The following CADPS2 variants were observed in gnomAD, a reference collection of about 807,000 sequenced individuals.
The protein encoded by CADPS2 is calcium dependent secretion activator 2.
In CADPS2, 93 loss-of-function variants were observed where a neutral mutation model predicts 172.5. That is an observed-to-expected ratio of 0.54 (90% CI 0.46 to 0.64). The LOEUF is 0.64. Among genes scored for constraint, CADPS2 ranks in the 30% least tolerant of loss-of-function variants. The pLI is 0.00. For synonymous variants in CADPS2, 546 were observed against 555.2 expected (o/e 0.98, Z 0.23); for missense variants, 1,420 against 1,565.9 (o/e 0.91, Z 1.57).
At chr7:122,449,633 A>G (rs1261914191) in intron 15 of CADPS2, among the ~76,000 whole-genome samples, 1 of 152,150 alleles carries the variant, frequency 6.6e-6, no homozygotes, top group African/African-American at 2.4e-5. Context: ...TTTCAACAAC[A>G]GCAAATGCAG....
chr7:122,699,422 T>C (rs1343045684), intron 2 of CADPS2, among the ~76,000 whole-genome samples: 1 of 152,114 alleles, frequency 6.6e-6, no homozygotes, highest in Admixed American at 6.6e-5. Flanking sequence ...GAAGGAGATA[T>C]TTCCAACAAA....
intron 9 of CADPS2, among the ~76,000 whole-genome samples, chr7:122,499,015 A>T (rs2058984740): frequency 6.6e-6 from 1 of 152,222 alleles, no homozygotes; most frequent in Admixed American, 6.5e-5. Context: ...GTCATCACCA[A>T]TCCAGGATTG....
chr7:122,666,603 A>G (rs532380147), intron 2 of CADPS2, among the ~76,000 whole-genome samples: 2 of 152,008 alleles, frequency 1.3e-5, no homozygotes, highest in Non-Finnish European at 2.9e-5. Flanking sequence ...CAGCCTCCCA[A>G]AGTGCTGGGA....
In CADPS2 at chr7:122,490,268, A is replaced by G. The variant is rs1310705569; in HGVS notation, c.1665T>C (p.Gly555=). The part of the protein sequence containing the change: ...YTDPHPGLQG[G]CMFFNAVKEG... ...CTTTAACAGCATTAAAGAACATACA[A>G]CCACCCTGAAGGCCTGTGGAGGAAA... Residue 555 remains glycine, a synonymous_variant, in exon 11 of 30, where the codon GGT becomes GGC. Coordinates refer to ENST00000449022, the MANE Select transcript of CADPS2 (RefSeq NM_017954.11). 2 of 1,612,868 alleles carry G rather than the reference A, an allele frequency of 1.2e-6. No individual in the cohort carries two copies. The highest frequency in any genetic ancestry group is 1.3e-5 in the African/African-American group (1 of 74,876).
chr7:122,731,292 G>A, intron 2 of CADPS2, among the ~76,000 whole-genome samples: 1 of 151,344 alleles, frequency 6.6e-6, no homozygotes, highest in East Asian at 1.9e-4. Context: ...TACAACAGCA[G>A]AACTTGAAAG....
Position 122,646,096 on chromosome 7 carries a change from G to A in CADPS2, c.787-16768C>T, listed in dbSNP as rs149547700. 5.8e-3 allele frequency among the ~76,000 whole-genome samples: 875 copies of A among 151,844 alleles called. 8 individuals carry two copies. Among genetic ancestry groups the A allele is most frequent in the African/African-American group, 0.02 (830 of 41,426 alleles). ...ACTTTCCCAGAGCAGATTTGAACTC[G>A]AGTTTCAACATAATAAGAGTTCAAT... is the stretch of plus-strand genomic sequence containing the variant. On this transcript the variant is annotated intron_variant, in intron 3 of 29. Transcript: ENST00000449022.
chr7:122,362,252 C>T (rs1477500988), intron 25 of CADPS2, among the ~76,000 whole-genome samples: 2 of 152,096 alleles, frequency 1.3e-5, no homozygotes, highest in Non-Finnish European at 2.9e-5. Context: ...TCCCTGCTTC[C>T]CAAAGCTTAC....
At chr7:122,494,420 T>G (rs1390218386) in intron 9 of CADPS2, among the ~76,000 whole-genome samples, 1 of 152,088 alleles carries the variant, frequency 6.6e-6, no homozygotes, top group Non-Finnish European at 1.5e-5. Context: ...GATAATACTA[T>G]GAGACATTAA....
chr7:122,642,551 T>C (rs906872911), intron 3 of CADPS2, among the ~76,000 whole-genome samples: 13 of 11,970 alleles, frequency 1.1e-3, no homozygotes, highest in African/African-American at 2.2e-3. Context: ...CCAACAGCTT[T>C]TTTTTTTTTT....
At chr7:122,457,567 T>C (rs958866699) in intron 14 of CADPS2, among the ~76,000 whole-genome samples, 5 of 152,114 alleles carry the variant, frequency 3.3e-5, no homozygotes, top group African/African-American at 1.2e-4. Flanking sequence ...AATCACAGCA[T>C]ATGAAGGGGT....
chr7:122,407,353 G>C (rs1345362090), intron 20 of CADPS2, among the ~76,000 whole-genome samples, 187 bp downstream of exon 20: 1 of 152,272 alleles, frequency 6.6e-6, no homozygotes, highest in African/African-American at 2.4e-5. Context: ...GAGCCCACTG[G>C]AGTGTGGGAG....
At chr7:122,632,180 C>T (rs563691421) in intron 3 of CADPS2, among the ~76,000 whole-genome samples, 5 of 152,226 alleles carry the variant, frequency 3.3e-5, no homozygotes, top group Non-Finnish European at 7.4e-5. Context: ...GTGCAAGTGT[C>T]CTTTTGATCA....
chr7:122,863,328 G>T (rs1413075075), intron 1 of CADPS2, among the ~76,000 whole-genome samples: 1 of 152,092 alleles, frequency 6.6e-6, no homozygotes, highest in South Asian at 2.1e-4. Context: ...TTATGAACAA[G>T]TTTTTGCCTA....
chr7:122,419,453 A>G (rs2048303232), intron 17 of CADPS2, among the ~76,000 whole-genome samples: 1 of 152,212 alleles, frequency 6.6e-6, no homozygotes, highest in Non-Finnish European at 1.5e-5. Flanking sequence ...TCAAGAGCAT[A>G]TCACTTATCT....
chr7:122,739,943 T>C (rs1315246328), intron 1 of CADPS2, among the ~76,000 whole-genome samples: 10 of 152,100 alleles, frequency 6.6e-5, no homozygotes, highest in African/African-American at 2.4e-4. Flanking sequence ...TCAGTAGTAA[T>C]GGATGGTCTA....
chr7:122,734,388 A>AAAAAAAAAAAAAAAAAAAAAC (rs2091976264), intron 2 of CADPS2, among the ~76,000 whole-genome samples: 1 of 57,500 alleles, frequency 1.7e-5, no homozygotes, highest in Non-Finnish European at 3.8e-5. Flanking sequence ...AAAAAAAAAG[A>AAAAAAAAAAAAAAAAAAAAAC]AAAAAAAAAA....
intron 25 of CADPS2, among the ~76,000 whole-genome samples, chr7:122,378,570 G>T (rs990233338): frequency 6.6e-6 from 1 of 151,944 alleles, no homozygotes; most frequent in African/African-American, 2.4e-5. Flanking sequence ...TAAATTGGGG[G>T]CGGTTTTACC....
rs551699018 is a variant in CADPS2 at position 122,344,506 on chromosome 7, T to C, written c.3612+1068A>G. On this transcript the variant is annotated intron_variant, in intron 28 of 29. Transcript: ENST00000449022. ...AAACCACAGTCCTCATTTTTAGGCA[T>C]TGTCATGCCTAAATGAAGACCTTAG... 1.9e-3 allele frequency among the ~76,000 whole-genome samples: 296 copies of C among 152,302 alleles called. 1 individual carries two copies. Among genetic ancestry groups the C allele is most frequent in the African/African-American group, 6.8e-3 (283 of 41,554 alleles).
chr7:122,800,655 T>C lies in CADPS2; in HGVS notation c.340-63587A>G, dbSNP rs145789671. On this transcript the variant is annotated intron_variant, in intron 1 of 29. Coordinates refer to ENST00000449022, the MANE Select transcript of CADPS2 (RefSeq NM_017954.11). The stretch of plus-strand genomic sequence containing the variant: ...TGAGGCTTCAATAATAGAGCTAGTA[T>C]AGTAAAATAAGAATTTACAACTAAA... Among the ~76,000 whole-genome samples the C allele has an allele frequency of 2.2e-4, 33 of 152,274 alleles. No individual in the cohort carries two copies. In the East Asian group the frequency reaches 5.8e-3, roughly 27 times the overall value.
Sources: gnomAD v4.1 joint callset for allele counts (sites outside exome capture counted in the v4.1 genomes callset) on GRCh38, gnomAD v4.1.1 for gene constraint, MANE v1.5 for transcripts, NCBI Gene and HGNC (gene_info 2026-07-23, HGNC 2026-07-21) for gene names.